SSBP3: variants seen among roughly 807,000 people sequenced by gnomAD.
The protein encoded by SSBP3 is single-stranded DNA-binding protein 3.
A neutral mutation model predicts 69.6 loss-of-function variants in SSBP3; 5 were observed. The observed-to-expected ratio is 0.07, with a 90% CI of 0.04 to 0.15. The LOEUF (loss-of-function observed/expected upper bound fraction) is 0.15, where lower values mean the gene tolerates loss of function less well. Among genes scored for constraint, SSBP3 ranks in the 10% least tolerant of loss-of-function variants. SSBP3 has a pLI of 1.00. For missense variants in SSBP3, 312 were observed against 534.0 expected (o/e 0.58, Z 4.10); for synonymous variants, 196 against 193.4 (o/e 1.01, Z -0.11).
chr1:54,385,406 A>C (rs1648005469), intron 4 of SSBP3, among the ~76,000 whole-genome samples: 1 of 152,122 alleles, frequency 6.6e-6, no homozygotes. Flanking sequence ...AGGGCTACAA[A>C]TCTATCAGTG....
At chr1:54,370,315 C>A (rs1468713863) in intron 4 of SSBP3, among the ~76,000 whole-genome samples, 3 of 152,212 alleles carry the variant, frequency 2.0e-5, no homozygotes, top group Admixed American at 2.0e-4. Context: ...TGGTCTGTGA[C>A]TCCGATGACA....
At chr1:54,238,222 G>C (rs1165205798) in intron 14 of SSBP3, 1 of 471,094 alleles carries the variant, frequency 2.1e-6, no homozygotes, top group Non-Finnish European at 4.4e-6. Flanking sequence ...CACGTGGGGT[G>C]ATCCGGGTGT....
intron 4 of SSBP3, among the ~76,000 whole-genome samples, chr1:54,345,571 G>A (rs1646675743): frequency 6.6e-6 from 1 of 152,204 alleles, no homozygotes; most frequent in East Asian, 1.9e-4. Flanking sequence ...GGCCCTCTCT[G>A]AAGTGCTTGC....
intron 4 of SSBP3, among the ~76,000 whole-genome samples, chr1:54,394,946 G>A (rs902713836): frequency 5.3e-5 from 8 of 151,396 alleles, no homozygotes; most frequent in African/African-American, 4.9e-5. Context: ...CTCGTGATCC[G>A]CCAGCCTCGG....
chr1:54,228,413 A>T (rs1424303001), intron 16 of SSBP3, 36 bp downstream of exon 16: 7 of 1,614,062 alleles, frequency 4.3e-6, no homozygotes, highest in Non-Finnish European at 5.9e-6. Context: ...GCCCACACAG[A>T]TGGGGCGCCG....
intron 4 of SSBP3, among the ~76,000 whole-genome samples, chr1:54,366,724 C>G (rs1213500485): frequency 6.6e-6 from 1 of 152,130 alleles, no homozygotes; most frequent in Non-Finnish European, 1.5e-5. Flanking sequence ...AAAAGAAGTA[C>G]TTAGGTATTA....
rs1343258704 is a variant in SSBP3, at chr1:54,332,897, G to A, written c.277-51370C>T. Among the ~76,000 whole-genome samples the A allele has an allele frequency of 2.0e-5, 3 of 152,328 alleles. No individual in the cohort carries two copies. The East Asian group carries it at 5.8e-4, about 30-fold the overall frequency. ...GTCACTGCTGGCACTCGGGTCAGGA[G>A]GGGAGTAAGCAAACATGCACGCACA... On this transcript the variant is annotated intron_variant, in intron 4 of 17. Transcript: ENST00000610401.
chr1:54,243,091 T>C (rs1644669920), intron 10 of SSBP3, 144 bp downstream of exon 10: 1 of 784,656 alleles, frequency 1.3e-6, no homozygotes, highest in African/African-American at 1.7e-5. Flanking sequence ...ACCAGGATCA[T>C]CAATATCCTC....
Position 54,263,727 on chromosome 1 carries a change from C to A in SSBP3, c.367-5578G>T, listed in dbSNP as rs547147754. Among the ~76,000 whole-genome samples, 4 of 152,336 alleles carry A rather than the reference C, an allele frequency of 2.6e-5. No individual in the cohort carries two copies. In the East Asian group the frequency reaches 7.7e-4, roughly 29 times the overall value. On this transcript the variant is annotated intron_variant, in intron 5 of 17. Coordinates refer to ENST00000610401, the Ensembl canonical transcript of SSBP3. Reference sequence around the variant, plus strand: ...CATGTCTGGGGGTGCCATGTGGACCCCTCCAGGCCAGGCCACTCACCCCCA... The same window carrying A: ...CATGTCTGGGGGTGCCATGTGGACCACTCCAGGCCAGGCCACTCACCCCCA...
At chr1:54,277,829 T>C (rs956621992) in intron 5 of SSBP3, among the ~76,000 whole-genome samples, 40 of 151,822 alleles carry the variant, frequency 2.6e-4, no homozygotes, top group African/African-American at 9.4e-4. Flanking sequence ...CTGGACAGTG[T>C]CCCCCTTAAG....
chr1:54,399,988 T>A (rs1314364192), intron 4 of SSBP3, among the ~76,000 whole-genome samples: 5 of 152,198 alleles, frequency 3.3e-5, no homozygotes, highest in African/African-American at 1.2e-4. Flanking sequence ...CCCACACATA[T>A]GAAGTGTAGG....
At chr1:54,291,793 G>A (rs1169997555) in intron 4 of SSBP3, among the ~76,000 whole-genome samples, 1 of 152,252 alleles carries the variant, frequency 6.6e-6, no homozygotes, top group Admixed American at 6.5e-5. Flanking sequence ...GCACTTATTC[G>A]AGTGTCTGCT....
upstream of SSBP3, among the ~76,000 whole-genome samples, chr1:54,409,512 A>G (rs190693127): frequency 2.3e-4 from 35 of 152,148 alleles, no homozygotes; most frequent in Non-Finnish European, 4.4e-4. Flanking sequence ...GGACCGAGAG[A>G]GAGAGGGAAA....
intron 4 of SSBP3, among the ~76,000 whole-genome samples, chr1:54,398,682 G>C (rs773682725): frequency 5.3e-5 from 8 of 152,154 alleles, no homozygotes; most frequent in Non-Finnish European, 7.4e-5. Context: ...CTGGCCTGAG[G>C]GTAACAGCAA....
At chr1:54,282,992 C>G (rs546830526) in intron 4 of SSBP3, among the ~76,000 whole-genome samples, 1 of 152,316 alleles carries the variant, frequency 6.6e-6, no homozygotes, top group Admixed American at 6.5e-5. Flanking sequence ...AGAGGCTGGG[C>G]GTGGTGGCTC....
At chr1:54,263,145 G>A (rs1408800962) in intron 5 of SSBP3, among the ~76,000 whole-genome samples, 1 of 152,210 alleles carries the variant, frequency 6.6e-6, no homozygotes, top group Non-Finnish European at 1.5e-5. Flanking sequence ...AAACTCCGAA[G>A]TGTGGACACT....
intron 9 of SSBP3, among the ~76,000 whole-genome samples, chr1:54,248,690 C>T (rs572692921): frequency 1.5e-4 from 23 of 152,288 alleles, no homozygotes; most frequent in Non-Finnish European, 1.3e-4. Context: ...ATCCATCCTG[C>T]ACCATCAACC....
intron 4 of SSBP3, among the ~76,000 whole-genome samples, chr1:54,354,422 G>A (rs981013894): frequency 6.6e-6 from 1 of 152,190 alleles, no homozygotes; most frequent in Admixed American, 6.5e-5. Flanking sequence ...GCAAACCCGA[G>A]AACTACAGGA....
At chr1:54,240,046 G>GT (rs1557448159) in intron 13 of SSBP3, among the ~76,000 whole-genome samples, 878 of 36,818 alleles carry the variant, frequency 0.024, 18 homozygotes, top group African/African-American at 0.084. Context: ...AATTGTGATG[G>GT]GGTGTGTGTG....
Sources: gnomAD v4.1 joint callset for allele counts (sites outside exome capture counted in the v4.1 genomes callset) on GRCh38, gnomAD v4.1.1 for gene constraint, MANE v1.5 for transcripts, NCBI Gene and HGNC (gene_info 2026-07-23, HGNC 2026-07-21) for gene names.